Variants in ANKRD28 observed in about 807,000 individuals in gnomAD.
ANKRD28 encodes the protein ankyrin repeat domain 28.
A neutral mutation model predicts 126.5 loss-of-function variants in ANKRD28; 44 were observed. The ratio of observed to expected loss-of-function variants is 0.35; its 90% CI spans 0.27 to 0.45. The LOEUF (loss-of-function observed/expected upper bound fraction) is 0.45, where lower values mean the gene tolerates loss of function less well. Ranked by LOEUF, ANKRD28 falls within the 20% of genes least tolerant of loss-of-function variation. The pLI is 1.00. For missense variants in ANKRD28, 1,110 were observed against 1,316.6 expected (o/e 0.84, Z 2.43); for synonymous variants, 442 against 468.5 (o/e 0.94, Z 0.73).
At position 15,768,653 on chromosome 3, in the gene ANKRD28, C is replaced by CG. The variant is rs1264249398; in HGVS notation, c.202-2342dup. ...GGCAACAGAGCAAGATCTTCTCTGG[C>CG]GGGGGGCGGCGGTGGGGCAGGGGGG... On this transcript the variant is annotated intron_variant, in intron 2 of 27. Transcript: ENST00000683139. 8.1e-5 allele frequency among the ~76,000 whole-genome samples: 12 copies of CG among 147,404 alleles called. No individual in the cohort carries two copies. The East Asian group carries it at 2.5e-3, about 31-fold the overall frequency.
intron 1 of ANKRD28, among the ~76,000 whole-genome samples, chr3:15,851,911 G>A (rs1269873866): frequency 6.6e-6 from 1 of 152,106 alleles, no homozygotes; most frequent in South Asian, 2.1e-4. Context: ...AGAAAATATG[G>A]TATATCCATA....
At chr3:15,712,345 G>A (rs1008238174) in intron 10 of ANKRD28, 123 bp from the exon 11 acceptor site, 15 of 768,174 alleles carry the variant, frequency 2.0e-5, no homozygotes, top group African/African-American at 1.2e-4. Flanking sequence ...CTAACACTTC[G>A]GAGAGTAATT....
rs1280063213 is a variant in ANKRD28 at position 15,696,256 on chromosome 3, C to A, written c.1548-11G>T. ...AAGTATTCCAGGCACCTATATACAACAACAACAACATACTGAAAATCCTAA... is the reference window on the plus strand; with the variant it reads ...AAGTATTCCAGGCACCTATATACAAAAACAACAACATACTGAAAATCCTAA... On this transcript the variant is annotated splice_polypyrimidine_tract_variant and intron_variant, in intron 14 of 27. Coordinates refer to ENST00000683139, the MANE Select transcript of ANKRD28 (RefSeq NM_001349278.2). The A allele has an allele frequency of 1.3e-6, 2 of 1,492,552 alleles. No homozygotes were observed. The highest frequency in any genetic ancestry group is 1.4e-5 in the African/African-American group (1 of 73,172). 92.5% of individuals were successfully genotyped at this position (1,492,552 alleles called of 1,614,324 possible). A position where few individuals can be genotyped will look rare whatever the true frequency, so the allele number is the denominator to read the frequency against.
intron 3 of ANKRD28, among the ~76,000 whole-genome samples, chr3:15,763,821 AT>A (rs201534671): frequency 2.0e-5 from 3 of 151,726 alleles, no homozygotes; most frequent in African/African-American, 4.8e-5. Flanking sequence ...TAAAAACTTA[AT>A]TTTTTTTTAT....
intron 2 of ANKRD28, among the ~76,000 whole-genome samples, chr3:15,789,658 A>G (rs1189126367): frequency 6.6e-6 from 1 of 152,054 alleles, no homozygotes; most frequent in Non-Finnish European, 1.5e-5. Context: ...AAAAACCTCT[A>G]TTTATTCAGG....
At chr3:15,696,412 TATC>T (rs1263244502) in intron 14 of ANKRD28, among the ~76,000 whole-genome samples, 167 bp from the exon 15 acceptor site, 3 of 152,098 alleles carry the variant, frequency 2.0e-5, no homozygotes, top group Non-Finnish European at 2.9e-5. Context: ...CTGACTAAAG[TATC>T]ATAAAAATGC....
intron 4 of ANKRD28, among the ~76,000 whole-genome samples, chr3:15,745,938 A>C (rs1307956732): frequency 6.6e-6 from 1 of 151,638 alleles, no homozygotes; most frequent in Non-Finnish European, 1.5e-5. Flanking sequence ...GGTTAGGTAT[A>C]CTCCTAGCTA....
At chr3:15,810,836 GACC>G (rs1441671809) in intron 1 of ANKRD28, among the ~76,000 whole-genome samples, 1 of 151,696 alleles carries the variant, frequency 6.6e-6, no homozygotes, top group African/African-American at 2.4e-5. Flanking sequence ...TAAGAGTTAA[GACC>G]ACAACTTGAA....
intron 14 of ANKRD28, among the ~76,000 whole-genome samples, chr3:15,702,274 G>A (rs563872900): frequency 5.7e-4 from 86 of 152,146 alleles, no homozygotes; most frequent in Non-Finnish European, 1.0e-3. Flanking sequence ...CACTTACAGT[G>A]GTAAGTTAAC....
chr3:15,825,647 T>C (rs1211749890), intron 1 of ANKRD28, among the ~76,000 whole-genome samples: 2 of 152,160 alleles, frequency 1.3e-5, no homozygotes, highest in African/African-American at 2.4e-5. Flanking sequence ...GATCATACTA[T>C]AATTTAAAAG....
intron 1 of ANKRD28, among the ~76,000 whole-genome samples, chr3:15,803,459 A>T (rs1020246061): frequency 1.3e-5 from 2 of 152,106 alleles, no homozygotes; most frequent in African/African-American, 4.8e-5. Flanking sequence ...TCTATTAAAA[A>T]TACAAAAATT....
chr3:15,814,562 C>T lies in ANKRD28; in HGVS notation c.28-19256G>A, dbSNP rs144473262. On this transcript the variant is annotated intron_variant, in intron 1 of 27. Transcript: ENST00000399451. This position sits in a 1 kb window ranked among gnomAD's most constrained non-coding sequence, Gnocchi z 4.7. ...AACAGAATTGGCTTCCCAGAAGAGA[C>T]TTAAAAAGTGGTGTTTGTTTCTTAG... Among the ~76,000 whole-genome samples, 2,094 of 152,148 alleles carry T rather than the reference C, an allele frequency of 0.014. 19 individuals carry two copies. Among genetic ancestry groups the T allele is most frequent in the Non-Finnish European group, 0.023 (1,584 of 67,942 alleles).
At chr3:15,766,335 GA>G in intron 2 of ANKRD28, 23 bp from the exon 3 acceptor site, 1 of 1,565,856 alleles carries the variant, frequency 6.4e-7, no homozygotes, top group Non-Finnish European at 8.8e-7. Flanking sequence ...GGAAAGGTGG[GA>G]AATAAGTTTT....
rs116364525 is a variant in ANKRD28, at chr3:15,848,169, T to A, written c.27+11208A>T. On this transcript the variant is annotated intron_variant, in intron 1 of 27. Coordinates refer to the ANKRD28 transcript ENST00000399451. ...ACTGGAATTATCAAATAGGCAGATG[T>A]TAGAGAGATTCAAACTTAGGTGAAA... 5.6e-3 allele frequency among the ~76,000 whole-genome samples: 856 copies of A among 152,284 alleles called. 6 individuals are homozygous for A. Among genetic ancestry groups the A allele is most frequent in the African/African-American group, 0.02 (817 of 41,534 alleles).
At position 15,830,347 on chromosome 3, in the gene ANKRD28, T is replaced by C. The variant is rs553118293; in HGVS notation, c.27+29030A>G. Among the ~76,000 whole-genome samples the C allele has an allele frequency of 6.6e-5, 10 of 152,310 alleles. No homozygotes were observed. Among genetic ancestry groups the C allele is most frequent in the African/African-American group, 2.2e-4 (9 of 41,554 alleles). ...TGGACTGAGGACTGCTAGCCATTCA[T>C]GGCCTGTCAGAAACTGGGCTGGATA... On this transcript the variant is annotated intron_variant, in intron 1 of 27. Coordinates refer to the ANKRD28 transcript ENST00000399451. This position sits in a 1 kb window ranked among gnomAD's most constrained non-coding sequence, Gnocchi z 4.5.
Position 15,713,572 on chromosome 3 carries a change from T to A in ANKRD28, c.1145A>T (p.Glu382Val). Reference protein sequence around the residue: ...PLHIAARYGHELLINTLITSG... With the variant: ...PLHIAARYGHVLLINTLITSG... Reference sequence around the variant, plus strand: ...TGTAATAAGAGTGTTGATCAGCAGCTCATGGCCATACCGTGCTGCTATGTG... The same window carrying A: ...TGTAATAAGAGTGTTGATCAGCAGCACATGGCCATACCGTGCTGCTATGTG... The change falls in exon 10 of 28, where the codon GAG (glutamate) becomes GTG (valine). Residue 382 changes from glutamate (E) to valine (V), a missense_variant. Physicochemically the swap from Glu to Val is moderately radical, Grantham distance 121 (BLOSUM62 -2). Coordinates refer to ENST00000683139, the MANE Select transcript of ANKRD28 (RefSeq NM_001349278.2). The A allele has an allele frequency of 6.2e-7, 1 of 1,611,556 alleles. No homozygotes were observed. The highest frequency in any genetic ancestry group is 8.5e-7 in the Non-Finnish European group (1 of 1,179,166).
intron 4 of ANKRD28, among the ~76,000 whole-genome samples, chr3:15,743,862 A>T (rs961111339): frequency 1.3e-5 from 2 of 152,176 alleles, no homozygotes; most frequent in Non-Finnish European, 2.9e-5. Context: ...CTAAGGTAGT[A>T]CGGTATGTGC....
chr3:15,825,256 G>A (rs760889485), intron 1 of ANKRD28, among the ~76,000 whole-genome samples: 13 of 152,164 alleles, frequency 8.5e-5, no homozygotes, highest in African/African-American at 3.1e-4. Context: ...TAAATTCATG[G>A]GCAGACGATA....
intron 3 of ANKRD28, among the ~76,000 whole-genome samples, chr3:15,764,379 C>T (rs899975189): frequency 8.5e-5 from 13 of 152,124 alleles, no homozygotes; most frequent in African/African-American, 3.1e-4. Flanking sequence ...TACTATCATG[C>T]TCATGATAAG....
Sources: gnomAD v4.1 joint callset for allele counts (sites outside exome capture counted in the v4.1 genomes callset) on GRCh38, gnomAD v4.1.1 for gene constraint, Gnocchi (gnomAD v3.1) non-coding constraint, MANE v1.5 for transcripts, NCBI Gene and HGNC (gene_info 2026-07-23, HGNC 2026-07-21) for gene names.